Variants in PRSS12 observed in about 807,000 individuals in gnomAD.
PRSS12 encodes the protein serine protease 12.
Under a neutral mutation model 104.4 loss-of-function variants are expected in PRSS12, and 85 were observed. The observed-to-expected ratio is 0.81, with a 90% CI of 0.68 to 0.98. The LOEUF is 0.98. PRSS12 is among the 50% of genes least tolerant of loss of function. The probability of loss-of-function intolerance (pLI) is 0.00; values close to 1 mark genes in which losing one functional copy is unlikely to be tolerated. For missense variants in PRSS12, 1,141 were observed against 1,139.2 expected (o/e 1.00, Z -0.02); for synonymous variants, 454 against 425.2 (o/e 1.07, Z -0.83).
At chr4:118,282,703 T>A (rs1403665610) in intron 12 of PRSS12, 128 bp downstream of exon 12, 3 of 1,351,454 alleles carry the variant, frequency 2.2e-6, no homozygotes, top group South Asian at 1.2e-5. Context: ...ATGCATGCAT[T>A]TCACACTAAG....
chr4:118,335,988 G>C (rs377207373), intron 2 of PRSS12, among the ~76,000 whole-genome samples: 13 of 152,272 alleles, frequency 8.5e-5, no homozygotes, highest in East Asian at 5.8e-4. Flanking sequence ...GCTTCAGTGA[G>C]GCTTGGACTC....
At chr4:118,344,608 A>G (rs1010096196) in intron 1 of PRSS12, among the ~76,000 whole-genome samples, 7 of 152,178 alleles carry the variant, frequency 4.6e-5, no homozygotes, top group Non-Finnish European at 8.8e-5. Context: ...GTTCACATCT[A>G]TAATTCATAC....
At chr4:118,282,810 C>CT in intron 12 of PRSS12, 21 bp downstream of exon 12, 1 of 1,613,782 alleles carries the variant, frequency 6.2e-7, no homozygotes. Context: ...AGGTGCCCTG[C>CT]TTTTTTTGAT....
At chr4:118,328,178 C>T (rs1429964464) in intron 4 of PRSS12, among the ~76,000 whole-genome samples, 1 of 152,170 alleles carries the variant, frequency 6.6e-6, no homozygotes, top group Non-Finnish European at 1.5e-5. Context: ...TCGTAGAGTA[C>T]TGCTTTATTG....
chr4:118,329,074 G>A (rs931793626), intron 4 of PRSS12, among the ~76,000 whole-genome samples: 2 of 152,108 alleles, frequency 1.3e-5, no homozygotes, highest in Non-Finnish European at 1.5e-5. Flanking sequence ...TTACAGGTGT[G>A]AGCCACCGTG....
chr4:118,304,734 T>C (rs908502040), intron 8 of PRSS12, among the ~76,000 whole-genome samples: 5 of 152,034 alleles, frequency 3.3e-5, no homozygotes, highest in Non-Finnish European at 7.4e-5. Context: ...ATGCTAGACT[T>C]TGTCAGACAT....
chr4:118,344,008 C>T (rs1366071078), intron 1 of PRSS12, among the ~76,000 whole-genome samples: 1 of 151,938 alleles, frequency 6.6e-6, no homozygotes, highest in African/African-American at 2.4e-5. Context: ...TTTACAGATG[C>T]ATAAAATAAT....
chr4:118,283,759 A>G (rs1203899262), intron 11 of PRSS12, among the ~76,000 whole-genome samples: 1 of 152,070 alleles, frequency 6.6e-6, no homozygotes, highest in African/African-American at 2.4e-5. Flanking sequence ...AATATCATTC[A>G]TCTCTACTTT....
In PRSS12 at chr4:118,292,014, C is replaced by T. The variant is rs140492948; in HGVS notation, c.2039+2925G>A. Among the ~76,000 whole-genome samples the T allele has an allele frequency of 1.8e-3, 279 of 151,786 alleles. 2 individuals are homozygous for T. The highest frequency in any genetic ancestry group is 6.4e-3 in the African/African-American group (264 of 41,358). On this transcript the variant is annotated intron_variant, in intron 11 of 12. Coordinates refer to ENST00000296498, the MANE Select transcript of PRSS12 (RefSeq NM_003619.4). ...ATAAGTGCAGCAAACCACGATGACA[C>T]GCGTATACCTATGTAACAAACCTGC...
intron 11 of PRSS12, among the ~76,000 whole-genome samples, chr4:118,283,569 C>T (rs970610033): frequency 6.6e-6 from 1 of 152,182 alleles, no homozygotes; most frequent in Non-Finnish European, 1.5e-5. Flanking sequence ...TAAACTACTT[C>T]CCTTTCCTCT....
chr4:118,302,679 G>C (rs769437089), intron 8 of PRSS12, among the ~76,000 whole-genome samples: 1 of 152,150 alleles, frequency 6.6e-6, no homozygotes, highest in Non-Finnish European at 1.5e-5. Context: ...TGCCCGCCGC[G>C]GCCTCCCAAA....
chr4:118,352,366 G>A lies in PRSS12; in HGVS notation c.355C>T (p.Leu119=). The A allele has an allele frequency of 6.4e-7, 1 of 1,563,472 alleles. No individual in the cohort carries two copies. The highest frequency in any genetic ancestry group is 8.6e-7 in the Non-Finnish European group (1 of 1,160,412). ...CLRWAEVPPF[L]ERSPPASWAQ... is the part of the protein sequence containing the mutation. ...CAGCTCGCTGGGGGCGACCGCTCCA[G>A]GAAGGGTGGCACCTCCGCCCACCGC... is the stretch of plus-strand genomic sequence containing the variant. The change falls in exon 1 of 13, where the codon CTG becomes TTG. Residue 119 remains leucine (L), a synonymous_variant. Coordinates refer to ENST00000296498, the MANE Select transcript of PRSS12 (RefSeq NM_003619.4).
intron 8 of PRSS12, among the ~76,000 whole-genome samples, chr4:118,301,564 TTAATG>T (rs531696127): frequency 2.8e-3 from 424 of 152,310 alleles, no homozygotes; most frequent in African/African-American, 9.8e-3. Flanking sequence ...AGCATAGTAT[TTAATG>T]TATAAATTTA....
rs149065934 is a variant in PRSS12 at position 118,325,081 on chromosome 4, A to G, written c.972-6525T>C. On this transcript the variant is annotated intron_variant, in intron 4 of 12. Coordinates refer to ENST00000296498, the MANE Select transcript of PRSS12 (RefSeq NM_003619.4). ...TATCTCTTTATCTAATCCACCATTG[A>G]TGAGCAGCAACATGGACAAAGCTGG... Among the ~76,000 whole-genome samples the G allele has an allele frequency of 1.9e-3, 287 of 152,194 alleles. 2 individuals carry two copies. The highest frequency in any genetic ancestry group is 2.8e-3 in the Non-Finnish European group (188 of 67,966).
Position 118,316,323 on chromosome 4 carries a change from T to C in PRSS12, c.1151A>G (p.Asp384Gly), listed in dbSNP as rs1202959202. 6.2e-7 allele frequency: 1 copy of C among 1,613,820 alleles called. No homozygotes were observed. Among genetic ancestry groups the C allele is most frequent in the Non-Finnish European group, 8.5e-7 (1 of 1,179,992 alleles). The change falls in exon 6 of 13, where the codon GAT becomes GGT. Residue 384 changes from aspartate (D) to glycine (G), a missense_variant and splice_region_variant. By Grantham distance (94) the Asp-to-Gly change is moderately conservative. Transcript: ENST00000296498. ...DAGVSCTPLT[D>G]GVIRLAGGKG... ...CCCACCTGCAAGTCTGATGACCCCATCTGTGATAAAGAGGAGACACAGAGA... is the reference window on the plus strand; with the variant it reads ...CCCACCTGCAAGTCTGATGACCCCACCTGTGATAAAGAGGAGACACAGAGA...
At chr4:118,333,777 T>G (rs770670152) in intron 3 of PRSS12, among the ~76,000 whole-genome samples, 1 of 152,186 alleles carries the variant, frequency 6.6e-6, no homozygotes, top group Non-Finnish European at 1.5e-5. Context: ...AAATGTGGTT[T>G]CTTTTTCTTT....
Position 118,308,551 on chromosome 4 carries a change from C to T in PRSS12, c.1516G>A (p.Glu506Lys), listed in dbSNP as rs796052154. 5.0e-6 allele frequency: 8 copies of T among 1,613,998 alleles called. No homozygotes were observed. The highest frequency in any genetic ancestry group is 2.2e-5 in the East Asian group (1 of 44,866). Residue 506 changes from glutamate to lysine, a missense_variant, in exon 8 of 13, where the codon GAA becomes AAA. By Grantham distance (56) the Glu-to-Lys change is moderately conservative (BLOSUM62 1). Coordinates refer to ENST00000296498, the MANE Select transcript of PRSS12 (RefSeq NM_003619.4). ...TCCACTCGTCCTTCTTTCTTATTTTCTCCATCCATCAGTCTGACAGGAAAA... is the reference window on the plus strand; with the variant it reads ...TCCACTCGTCCTTCTTTCTTATTTTTTCCATCCATCAGTCTGACAGGAAAA... ...LGFPVRLMDG[E>K]NKKEGRVEVF...
chr4:118,301,422 C>G (rs1743404120), intron 8 of PRSS12, among the ~76,000 whole-genome samples: 1 of 152,142 alleles, frequency 6.6e-6, no homozygotes, highest in African/African-American at 2.4e-5. Flanking sequence ...TTGAAAGCCA[C>G]TGCTGCAGTG....
At chr4:118,309,120 A>G (rs1743638595) in intron 7 of PRSS12, among the ~76,000 whole-genome samples, 1 of 152,144 alleles carries the variant, frequency 6.6e-6, no homozygotes, top group Non-Finnish European at 1.5e-5. Flanking sequence ...AAAGCAGTAA[A>G]TAGGGACAGT....
Sources: gnomAD v4.1 joint callset for allele counts (sites outside exome capture counted in the v4.1 genomes callset) on GRCh38, gnomAD v4.1.1 for gene constraint, MANE v1.5 for transcripts, NCBI Gene and HGNC (gene_info 2026-07-23, HGNC 2026-07-21) for gene names.